The following PPFIA2 variants were observed in gnomAD, a reference collection of about 807,000 sequenced individuals.
The protein encoded by PPFIA2 is PPFI scaffold protein A2.
A neutral mutation model predicts 175.5 loss-of-function variants in PPFIA2; 46 were observed. That is an observed-to-expected ratio of 0.26 (90% CI 0.21 to 0.34). PPFIA2 has a LOEUF of 0.34. Among genes scored for constraint, PPFIA2 ranks in the 10% least tolerant of loss-of-function variants. The pLI, the probability that PPFIA2 is intolerant of heterozygous loss-of-function variation, is 1.00. For synonymous variants in PPFIA2, 568 were observed against 511.4 expected (o/e 1.11, Z -1.49); for missense variants, 1,179 against 1,506.1 (o/e 0.78, Z 3.60).
At chr12:81,626,893 G>A (rs1397708257) in intron 4 of PPFIA2, among the ~76,000 whole-genome samples, 1 of 151,872 alleles carries the variant, frequency 6.6e-6, no homozygotes, top group African/African-American at 2.4e-5. Context: ...ACACTACCTT[G>A]AATCATAGAG....
At chr12:81,562,846 CAAAAAAAAAAAAAAAAAAAA>C (rs11475809) in intron 4 of PPFIA2, among the ~76,000 whole-genome samples, 2 of 29,576 alleles carry the variant, frequency 6.8e-5, no homozygotes, top group Non-Finnish European at 1.1e-4. Context: ...GACTCTGTCT[CAAAAAAAAAAAAAAAAAAAA>C]AAAAAAAAAG....
At chr12:81,266,651 T>G (rs2037356046) in intron 30 of PPFIA2, among the ~76,000 whole-genome samples, 1 of 152,208 alleles carries the variant, frequency 6.6e-6, no homozygotes, top group Admixed American at 6.5e-5. Flanking sequence ...GTTTTAACTT[T>G]TTTCTAATTT....
intron 4 of PPFIA2, among the ~76,000 whole-genome samples, chr12:81,569,680 A>T (rs951391452): frequency 2.6e-5 from 4 of 152,186 alleles, no homozygotes; most frequent in Non-Finnish European, 5.9e-5. Flanking sequence ...GAACATTGTC[A>T]TTGTGGAATT....
chr12:81,535,258 A>G (rs1221480072), intron 4 of PPFIA2, among the ~76,000 whole-genome samples: 4 of 151,748 alleles, frequency 2.6e-5, no homozygotes, highest in African/African-American at 4.8e-5. Flanking sequence ...TGGACAGCAG[A>G]GCATGCACAA....
intron 5 of PPFIA2, 82 bp downstream of exon 5, chr12:81,457,683 T>C (rs1593283107): frequency 2.6e-6 from 2 of 755,488 alleles, no homozygotes; most frequent in East Asian, 5.6e-5. Flanking sequence ...AAAATGCATA[T>C]ATTTTCTTCT....
chr12:81,345,154 G>A (rs1158362182), intron 18 of PPFIA2, among the ~76,000 whole-genome samples: 5 of 152,038 alleles, frequency 3.3e-5, no homozygotes, highest in Admixed American at 1.3e-4. Context: ...CAGATGTGCT[G>A]TTCCTGTGGG....
intron 4 of PPFIA2, among the ~76,000 whole-genome samples, chr12:81,527,773 A>G (rs2063909027): frequency 1.3e-5 from 2 of 152,076 alleles, no homozygotes; most frequent in South Asian, 4.1e-4. Flanking sequence ...TTAGAATTAG[A>G]TGATGTCATG....
chr12:81,404,498 G>A (rs919646480), intron 8 of PPFIA2, among the ~76,000 whole-genome samples: 17 of 152,170 alleles, frequency 1.1e-4, no homozygotes, highest in Non-Finnish European at 2.2e-4. Flanking sequence ...GCTTGGTGGT[G>A]TATCTACTGA....
At chr12:81,550,466 C>G (rs141916852) in intron 4 of PPFIA2, among the ~76,000 whole-genome samples, 378 of 151,956 alleles carry the variant, frequency 2.5e-3, no homozygotes, top group Non-Finnish European at 3.8e-3. Context: ...TCCAATTAGA[C>G]AGAAGGTAGG....
intron 4 of PPFIA2, among the ~76,000 whole-genome samples, chr12:81,460,771 G>A (rs979242180): frequency 6.6e-6 from 1 of 151,972 alleles, no homozygotes; most frequent in African/African-American, 2.4e-5. Context: ...AGTATGTTAG[G>A]TCCTCTGCCA....
intron 4 of PPFIA2, among the ~76,000 whole-genome samples, chr12:81,663,682 A>G (rs1292874637): frequency 2.0e-5 from 3 of 152,220 alleles, no homozygotes; most frequent in Non-Finnish European, 4.4e-5. Context: ...GAATTGGAAA[A>G]AACCACTTTA....
At chr12:81,344,802 C>A (rs1295565425) in intron 18 of PPFIA2, 109 bp from the exon 19 acceptor site, 3 of 780,446 alleles carry the variant, frequency 3.8e-6, no homozygotes, top group Non-Finnish European at 6.1e-6. Context: ...TCATTTTTTT[C>A]TTCATTTTGT....
Position 81,642,759 on chromosome 12 carries a change from C to CATACACATGT in PPFIA2, c.303+34031_303+34032insACATGTGTAT. The stretch of plus-strand genomic sequence containing the variant: ...TATGTATGTATGTATTATATACATA[C>CATACACATGT]ATGTATATGTATGTATGTATTATAT... On this transcript the variant is annotated intron_variant, in intron 4 of 32. Transcript: ENST00000549396. Among the ~76,000 whole-genome samples, 2 of 7,162 alleles carry CATACACATGT rather than the reference C, an allele frequency of 2.8e-4. 1 individual carries two copies. Among genetic ancestry groups the CATACACATGT allele is most frequent in the East Asian group, 3.9e-3 (2 of 514 alleles). 4.7% of individuals were successfully genotyped at this position (7,162 alleles called of 152,430 possible). A position where few individuals can be genotyped will look rare whatever the true frequency, so the allele number is the denominator to read the frequency against.
chr12:81,681,990 CTT>C (rs1160669361), intron 3 of PPFIA2, among the ~76,000 whole-genome samples: 8 of 151,992 alleles, frequency 5.3e-5, no homozygotes, highest in African/African-American at 1.7e-4. Context: ...CAAAAAGTCA[CTT>C]AATGTAATAT....
rs182124326 is a variant in PPFIA2 at position 81,659,837 on chromosome 12, G to T, written c.303+16954C>A. 6.3e-3 allele frequency among the ~76,000 whole-genome samples: 966 copies of T among 152,170 alleles called. 11 individuals carry two copies. The highest frequency in any genetic ancestry group is 0.022 in the African/African-American group (910 of 41,530). On this transcript the variant is annotated intron_variant, in intron 4 of 32. Transcript: ENST00000549396. ...GGCAGACTGACACCTCACACGGCCGGGTACCCCTCTGAGACAAAACTTCCA... is the reference window on the plus strand; with the variant it reads ...GGCAGACTGACACCTCACACGGCCGTGTACCCCTCTGAGACAAAACTTCCA...
At chr12:81,449,894 G>T (rs1324145029) in intron 5 of PPFIA2, among the ~76,000 whole-genome samples, 1 of 150,932 alleles carries the variant, frequency 6.6e-6, no homozygotes. Context: ...GCGGTGTTTG[G>T]TTTTTTGTCC....
intron 4 of PPFIA2, among the ~76,000 whole-genome samples, chr12:81,496,792 C>A (rs2060075384): frequency 6.6e-6 from 1 of 152,118 alleles, no homozygotes; most frequent in Admixed American, 6.5e-5. Context: ...AATGTTGTTA[C>A]ATTTATATGA....
At chr12:81,426,957 TTTAA>T (rs1190079689) in intron 7 of PPFIA2, among the ~76,000 whole-genome samples, 3 of 152,298 alleles carry the variant, frequency 2.0e-5, no homozygotes, top group South Asian at 2.1e-4. Flanking sequence ...ATCTGGATGC[TTTAA>T]TTAATCTTTT....
intron 9 of PPFIA2, among the ~76,000 whole-genome samples, chr12:81,378,840 G>T (rs998636198): frequency 1.4e-4 from 22 of 152,266 alleles, no homozygotes; most frequent in Admixed American, 5.2e-4. Context: ...TGTTATAAGG[G>T]ATCAGTATTG....
Sources: allele counts gnomAD v4.1 joint callset (sites outside exome capture counted in the v4.1 genomes callset), GRCh38; gene constraint gnomAD v4.1.1; transcripts MANE v1.5; gene names NCBI Gene and HGNC (gene_info 2026-07-23, HGNC 2026-07-21).